Variants in NHS observed in about 807,000 individuals in gnomAD.
NHS encodes actin remodeling regulator NHS.
NHS carries 5 observed loss-of-function variants against 72.5 expected under a neutral mutation model. The ratio of observed to expected loss-of-function variants is 0.07; its 90% CI spans 0.04 to 0.14. NHS has a LOEUF of 0.14. Among genes scored for constraint, NHS ranks in the 10% least tolerant of loss-of-function variants. The pLI, the probability that NHS is intolerant of heterozygous loss-of-function variation, is 1.00. For missense variants in NHS, 1,072 were observed against 1,355.7 expected, an observed-to-expected ratio of 0.79 and a Z score of 3.29; for synonymous variants, 464 against 547.7, an observed-to-expected ratio of 0.85 and a Z score of 2.13.
intron 3 of NHS, among the ~76,000 whole-genome samples, chrX:17,701,942 T>C (rs1375145919): frequency 9.0e-6 from 1 of 111,184 alleles, no homozygotes; most frequent in Non-Finnish European, 1.9e-5. Context: ...TCGATCACAG[T>C]GGAACAAACT....
At chrX:17,428,848 C>G (rs1055965731) in intron 1 of NHS, among the ~76,000 whole-genome samples, 4 of 111,444 alleles carry the variant, frequency 3.6e-5, no homozygotes, top group African/African-American at 1.3e-4. Context: ...CTCTTTCTCT[C>G]TCTGTGTGTG....
intron 1 of NHS, chrX:17,635,531 A>G: frequency 1.7e-6 from 2 of 1,167,638 alleles, no homozygotes; most frequent in Non-Finnish European, 1.1e-6. Context: ...ATAAAAGAAA[A>G]GGCCCTTCCT....
chrX:17,617,484 C>T (rs1044738673), intron 1 of NHS, among the ~76,000 whole-genome samples: 1 of 112,173 alleles, frequency 8.9e-6, no homozygotes, highest in Admixed American at 9.4e-5. Context: ...ATATATTTTT[C>T]GCCTTCCTTC....
chrX:17,411,095 G>A (rs2064555746), intron 1 of NHS, among the ~76,000 whole-genome samples: 1 of 111,983 alleles, frequency 8.9e-6, no homozygotes, highest in Admixed American at 9.5e-5. Flanking sequence ...TCATAAAAGG[G>A]TTATCCCAAT....
intron 1 of NHS, among the ~76,000 whole-genome samples, chrX:17,418,399 A>G (rs1005131643): frequency 3.6e-5 from 4 of 111,580 alleles, no homozygotes; most frequent in Non-Finnish European, 7.5e-5. Context: ...CCTCTGGGTA[A>G]TTTCCTCCTA....
At chrX:17,611,701 C>A (rs1317319056) in intron 1 of NHS, among the ~76,000 whole-genome samples, 4 of 110,807 alleles carry the variant, frequency 3.6e-5, no homozygotes, top group African/African-American at 1.3e-4. Flanking sequence ...AAACAAGAAC[C>A]AAATTATCCA....
rs112493248 is a variant in NHS at position 17,725,985 on chromosome X, C to T, written c.1879C>T (p.His627Tyr). The change falls in exon 7 of 9, where the codon CAC becomes TAC. Residue 627 changes from histidine to tyrosine, a missense_variant. Coordinates refer to ENST00000676302, the MANE Select transcript of NHS (RefSeq NM_001291867.2). ...LSSHMDQKDDHQSSSGNWSGS... is the reference protein window; with the variant it reads ...LSSHMDQKDDYQSSSGNWSGS... ...CAGCCACATGGACCAGAAAGATGAC[C>T]ACCAGTCATCCAGTGGCAACTGGAG... 1 of 1,211,726 alleles carries T rather than the reference C, an allele frequency of 8.3e-7. No individual in the cohort carries two copies. The highest frequency in any genetic ancestry group is 1.1e-6 in the Non-Finnish European group (1 of 895,495).
chrX:17,710,722 G>C (rs1309530675), intron 3 of NHS, among the ~76,000 whole-genome samples: 6 of 112,010 alleles, frequency 5.4e-5, no homozygotes, highest in Non-Finnish European at 9.4e-5. Context: ...ATGGTTACAA[G>C]AGTCTATACA....
At chrX:17,687,693 G>A (rs2066171125) in intron 1 of NHS, 49 bp from the exon 2 acceptor site, 6 of 1,194,839 alleles carry the variant, frequency 5.0e-6, no homozygotes, top group Non-Finnish European at 6.8e-6. Context: ...TTGGCCAAAA[G>A]CACAACTTAA....
Position 17,728,708 on chromosome X carries a change from G to A in NHS, c.4282G>A (p.Ala1428Thr). ...ACTTAGTGAAGACTCCCAAGCTGAAGCAGAGGGTGTGTTCGTGTCTCCAAA... is the reference window on the plus strand; with the variant it reads ...ACTTAGTGAAGACTCCCAAGCTGAAACAGAGGGTGTGTTCGTGTCTCCAAA... ...SPLSEDSQAE[A>T]EGVFVSPNKP... The change falls in exon 8 of 9, where the codon GCA becomes ACA. Residue 1428 changes from alanine to threonine, a missense_variant. Ala to Thr is a moderately conservative substitution (Grantham distance 58). Coordinates refer to ENST00000676302, the MANE Select transcript of NHS (RefSeq NM_001291867.2). The A allele has an allele frequency of 1.7e-6, 2 of 1,210,916 alleles. No homozygotes were observed. Among genetic ancestry groups the A allele is most frequent in the South Asian group, 1.8e-5 (1 of 56,955 alleles).
chrX:17,470,241 T>A (rs1226546919), intron 1 of NHS, among the ~76,000 whole-genome samples: 1 of 110,874 alleles, frequency 9.0e-6, no homozygotes, highest in African/African-American at 3.3e-5. Context: ...CCAGGTGGTA[T>A]GACTCCAGGG....
chrX:17,643,115 T>C (rs1288088989), intron 1 of NHS, among the ~76,000 whole-genome samples: 2 of 111,966 alleles, frequency 1.8e-5, no homozygotes, highest in African/African-American at 6.5e-5. Flanking sequence ...CTCATCACAA[T>C]CCTCTGATGC....
intron 1 of NHS, among the ~76,000 whole-genome samples, chrX:17,626,511 G>A (rs756580546): frequency 8.9e-6 from 1 of 111,952 alleles, no homozygotes; most frequent in South Asian, 3.8e-4. Context: ...CTTTCTGGTT[G>A]GACATGGCAG....
At chrX:17,568,102 G>A (rs1476165370) in intron 1 of NHS, among the ~76,000 whole-genome samples, 1 of 111,603 alleles carries the variant, frequency 9.0e-6, no homozygotes, top group Admixed American at 9.5e-5. Context: ...CCTTTCCATG[G>A]TATCTGGCTA....
chrX:17,450,820 G>A (rs1048257469), intron 1 of NHS, among the ~76,000 whole-genome samples: 1 of 111,704 alleles, frequency 9.0e-6, no homozygotes. Flanking sequence ...AGGTTGCAGT[G>A]AGCCAGGATC....
At chrX:17,440,543 G>C (rs1250527486) in intron 1 of NHS, among the ~76,000 whole-genome samples, 1 of 111,864 alleles carries the variant, frequency 8.9e-6, no homozygotes, top group African/African-American at 3.3e-5. Flanking sequence ...CAGAGATTGA[G>C]TGAGAAGAAA....
intron 1 of NHS, among the ~76,000 whole-genome samples, chrX:17,506,166 A>G (rs1271329384): frequency 9.0e-6 from 1 of 110,976 alleles, no homozygotes; most frequent in Non-Finnish European, 1.9e-5. Context: ...TTTCTAAAGC[A>G]CTCAGTCCTA....
intron 1 of NHS, among the ~76,000 whole-genome samples, chrX:17,514,247 T>G (rs2065106996): frequency 8.9e-6 from 1 of 112,345 alleles, no homozygotes; most frequent in South Asian, 3.7e-4. Context: ...AGATTAACAT[T>G]TGAGTCAGTA....
chrX:17,593,850 C>T (rs1193019157), intron 1 of NHS, among the ~76,000 whole-genome samples: 2 of 111,763 alleles, frequency 1.8e-5, no homozygotes, highest in African/African-American at 3.3e-5. Context: ...AGTAGATGGA[C>T]AGATGGATGG....
Sources: gnomAD v4.1 joint callset for allele counts (sites outside exome capture counted in the v4.1 genomes callset) on GRCh38, gnomAD v4.1.1 for gene constraint, MANE v1.5 for transcripts, NCBI Gene and HGNC (gene_info 2026-07-23, HGNC 2026-07-21) for gene names.